Variants in PACSIN2 observed in about 807,000 individuals in gnomAD.
PACSIN2 encodes the protein protein kinase C and casein kinase substrate in neurons protein 2.
In PACSIN2, 25 loss-of-function variants were observed where a neutral mutation model predicts 63.8. The observed-to-expected ratio is 0.39, with a 90% CI of 0.29 to 0.55. The LOEUF is 0.55. PACSIN2 is among the 20% of genes least tolerant of loss of function. The pLI, the probability that PACSIN2 is intolerant of heterozygous loss-of-function variation, is 0.62. For missense variants in PACSIN2, 518 were observed against 646.9 expected, an observed-to-expected ratio of 0.80 and a Z score of 2.16; for synonymous variants, 255 against 256.2, an observed-to-expected ratio of 1.00 and a Z score of 0.05.
intron 1 of PACSIN2, among the ~76,000 whole-genome samples, chr22:42,974,748 CAAA>C (rs763775543): frequency 6.8e-5 from 4 of 58,462 alleles, no homozygotes; most frequent in Non-Finnish European, 7.4e-5. Context: ...GATCTTGTCT[CAAA>C]AAAAAAAAAA....
intron 1 of PACSIN2, among the ~76,000 whole-genome samples, chr22:42,927,684 T>G (rs1243561866): frequency 6.6e-6 from 1 of 152,044 alleles, no homozygotes; most frequent in Non-Finnish European, 1.5e-5. Context: ...GCCTCCCAGG[T>G]TCAAGCGATT....
rs1205593624 is a variant in PACSIN2 at position 42,880,631 on chromosome 22, A to T, written c.907-1462T>A. ...CAGACACTTACTTCATCCTTGTGGC[A>T]TGAAAAATAAAAACAAAGAATTGCA... On this transcript the variant is annotated intron_variant, in intron 7 of 10. Coordinates refer to ENST00000263246, the MANE Select transcript of PACSIN2 (RefSeq NM_001184970.3). 4 of 152,244 alleles carry T rather than the reference A, an allele frequency of 2.6e-5. No individual in the cohort carries two copies. In the East Asian group the frequency reaches 7.7e-4, roughly 29 times the overall value. The allele number at this position is 152,244 out of a possible 1,614,324, so 9.4% of individuals were successfully genotyped here. A position where few individuals can be genotyped will look rare whatever the true frequency, so the allele number is the denominator to read the frequency against.
At chr22:42,918,830 A>C (rs925034747) in intron 1 of PACSIN2, among the ~76,000 whole-genome samples, 13 of 152,220 alleles carry the variant, frequency 8.5e-5, no homozygotes, top group African/African-American at 3.1e-4. Flanking sequence ...AAGTACTACT[A>C]TAATTTTTTT....
intron 1 of PACSIN2, among the ~76,000 whole-genome samples, chr22:42,937,962 C>G (rs896139117): frequency 6.6e-6 from 1 of 152,234 alleles, no homozygotes; most frequent in Non-Finnish European, 1.5e-5. Flanking sequence ...GTCTCACCTG[C>G]GCCTGCCTGG....
intron 5 of PACSIN2, among the ~76,000 whole-genome samples, chr22:42,887,618 C>G (rs1336227048): frequency 2.0e-5 from 3 of 152,138 alleles, no homozygotes; most frequent in Non-Finnish European, 4.4e-5. Flanking sequence ...ATCACACCCC[C>G]CAGCCCTCAC....
chr22:42,889,636 C>T (rs1315501815), intron 4 of PACSIN2, among the ~76,000 whole-genome samples: 1 of 151,996 alleles, frequency 6.6e-6, no homozygotes, highest in African/African-American at 2.4e-5. Flanking sequence ...CGGAGGAAGG[C>T]AGCGCAAGGC....
intron 9 of PACSIN2, 46 bp downstream of exon 9, chr22:42,876,842 G>C (rs1338889589): frequency 5.0e-6 from 8 of 1,612,730 alleles, no homozygotes; most frequent in Non-Finnish European, 6.8e-6. Context: ...GAGGAAGAGA[G>C]ACAGAGTGAG....
chr22:42,924,682 G>A (rs1198077664), intron 1 of PACSIN2, among the ~76,000 whole-genome samples: 3 of 151,888 alleles, frequency 2.0e-5, no homozygotes, highest in Non-Finnish European at 2.9e-5. Flanking sequence ...CAGTGAATGT[G>A]CTCGTCTCCT....
rs149959725 is a variant in PACSIN2 at position 42,956,153 on chromosome 22, C to A, written c.-77-43996G>T. ...TGACTGAGTATGAAATTCATAGCAC[C>A]CTTCACATTAACAAAAAGATAATCT... On this transcript the variant is annotated intron_variant, in intron 1 of 10. Coordinates refer to ENST00000263246, the MANE Select transcript of PACSIN2 (RefSeq NM_001184970.3). Among the ~76,000 whole-genome samples the A allele has an allele frequency of 2.5e-3, 382 of 152,252 alleles. 3 individuals carry two copies. The highest frequency in any genetic ancestry group is 8.7e-3 in the African/African-American group (362 of 41,546).
At chr22:42,913,759 G>A (rs144004027) in intron 1 of PACSIN2, among the ~76,000 whole-genome samples, 15 of 152,156 alleles carry the variant, frequency 9.9e-5, no homozygotes, top group African/African-American at 3.1e-4. Context: ...ATTTGCCCAC[G>A]GTTGTCCAAG....
intron 1 of PACSIN2, among the ~76,000 whole-genome samples, chr22:42,999,259 G>A (rs1358517785): frequency 6.6e-6 from 1 of 152,214 alleles, no homozygotes. Flanking sequence ...AGTGGTTTAA[G>A]CAAACCAGCC....
At chr22:42,964,657 A>G (rs1920938283) in intron 1 of PACSIN2, among the ~76,000 whole-genome samples, 1 of 152,056 alleles carries the variant, frequency 6.6e-6, no homozygotes, top group African/African-American at 2.4e-5. Flanking sequence ...GTTCCTATGT[A>G]CCTGGGTCCC....
At chr22:42,934,024 C>T (rs936427133) in intron 1 of PACSIN2, among the ~76,000 whole-genome samples, 1 of 152,228 alleles carries the variant, frequency 6.6e-6, no homozygotes, top group African/African-American at 2.4e-5. Context: ...CAAATACTTA[C>T]AAGAACAGCC....
intron 1 of PACSIN2, among the ~76,000 whole-genome samples, chr22:42,958,001 A>C (rs1214879986): frequency 2.6e-5 from 4 of 152,180 alleles, no homozygotes; most frequent in Non-Finnish European, 4.4e-5. Flanking sequence ...GTAATTCACT[A>C]TACATCTATG....
At position 43,010,398 on chromosome 22, in the gene PACSIN2, A is replaced by ATATATATATT; in HGVS notation, c.-78+4622_-78+4623insAATATATATA. 4.1e-3 allele frequency among the ~76,000 whole-genome samples: 518 copies of ATATATATATT among 126,394 alleles called. 14 individuals carry two copies. The highest frequency in any genetic ancestry group is 0.014 in the African/African-American group (494 of 35,342). 82.9% of individuals were successfully genotyped at this position (126,394 alleles called of 152,430 possible). On this transcript the variant is annotated intron_variant, in intron 1 of 10. Coordinates refer to ENST00000263246, the MANE Select transcript of PACSIN2 (RefSeq NM_001184970.3). ...TGTTTAAAAATACATATATATATAT[A>ATATATATATT]TTTTTTTTTAATTGAAAATAAAAAA...
chr22:42,884,625 C>A, intron 5 of PACSIN2, 64 bp from the exon 6 acceptor site: 1 of 1,368,548 alleles, frequency 7.3e-7, no homozygotes, highest in Admixed American at 2.0e-5. Flanking sequence ...TCACCCTGCC[C>A]CTGGAGTGTC....
intron 1 of PACSIN2, among the ~76,000 whole-genome samples, chr22:42,923,707 G>A (rs1020141928): frequency 3.9e-5 from 6 of 152,172 alleles, no homozygotes; most frequent in African/African-American, 1.2e-4. Flanking sequence ...CATTACAGGC[G>A]TGAGCCACTG....
chr22:42,908,484 G>A (rs1438234942), intron 2 of PACSIN2, among the ~76,000 whole-genome samples: 1 of 152,244 alleles, frequency 6.6e-6, no homozygotes, highest in Non-Finnish European at 1.5e-5. Context: ...CCTGGAAGCA[G>A]TGCCCAGAAG....
intron 10 of PACSIN2, among the ~76,000 whole-genome samples, chr22:42,874,666 C>T (rs147465699): frequency 4.4e-4 from 67 of 152,258 alleles, no homozygotes; most frequent in African/African-American, 1.4e-3. Context: ...CATGGCCCTG[C>T]GGGGCTAGCA....
Sources: gnomAD v4.1 joint callset for allele counts (sites outside exome capture counted in the v4.1 genomes callset) on GRCh38, gnomAD v4.1.1 for gene constraint, MANE v1.5 for transcripts, NCBI Gene and HGNC (gene_info 2026-07-23, HGNC 2026-07-21) for gene names.